RPS6KC1: variants seen among roughly 807,000 people sequenced by gnomAD.
RPS6KC1 encodes inactive ribosomal protein S6 kinase delta-1.
A neutral mutation model predicts 103.8 loss-of-function variants in RPS6KC1; 54 were observed. The observed-to-expected ratio is 0.52, with a 90% CI of 0.42 to 0.65. The LOEUF (loss-of-function observed/expected upper bound fraction) is 0.65. Among genes scored for constraint, RPS6KC1 ranks in the 30% least tolerant of loss-of-function variants. The pLI is 0.00. For missense variants in RPS6KC1, 1,151 were observed against 1,253.8 expected (o/e 0.92, Z 1.24); for synonymous variants, 439 against 438.7 (o/e 1.00, Z -0.01).
the RPS6KC1 span, among the ~76,000 whole-genome samples, chr1:213,656,544 C>T: frequency 6.6e-6 from 1 of 152,168 alleles, no homozygotes; most frequent in South Asian, 2.1e-4. Context: ...TCATTTTTAC[C>T]GAAGAGTCAA....
At chr1:213,352,569 A>G in the RPS6KC1 span, among the ~76,000 whole-genome samples, 1 of 152,218 alleles carries the variant, frequency 6.6e-6, no homozygotes, top group Non-Finnish European at 1.5e-5. Context: ...AAGTAATCAT[A>G]GAAGGTAAAG....
At chr1:213,242,377 A>C in intron 11 of RPS6KC1, 80 bp downstream of exon 11, 1 of 1,483,806 alleles carries the variant, frequency 6.7e-7, no homozygotes, top group Non-Finnish European at 9.3e-7. Flanking sequence ...TCTTGTAATT[A>C]GTATCTTCAT....
intron 14 of RPS6KC1, among the ~76,000 whole-genome samples, chr1:213,267,522 A>C (rs2094939803): frequency 6.6e-6 from 1 of 152,042 alleles, no homozygotes; most frequent in Non-Finnish European, 1.5e-5. Context: ...ACACAAAAAC[A>C]AAAAAAGTAT....
intron 8 of RPS6KC1, among the ~76,000 whole-genome samples, chr1:213,187,339 G>C (rs2092575139): frequency 6.7e-6 from 1 of 149,536 alleles, no homozygotes; most frequent in Non-Finnish European, 1.5e-5. Context: ...CCACCTCCCA[G>C]GTTAAGGTGA....
intron 8 of RPS6KC1, among the ~76,000 whole-genome samples, chr1:213,216,370 G>A (rs1409195685): frequency 2.0e-5 from 3 of 152,110 alleles, no homozygotes; most frequent in African/African-American, 7.2e-5. Flanking sequence ...GATTCATAAA[G>A]CAAGTCCTTC....
intron 4 of RPS6KC1, among the ~76,000 whole-genome samples, chr1:213,115,109 AAT>A (rs2083444899): frequency 1.3e-5 from 2 of 152,132 alleles, no homozygotes; most frequent in East Asian, 3.9e-4. Context: ...TATTGATTGG[AAT>A]AGTTTCAGAA....
chr1:213,530,059 AT>A, the RPS6KC1 span, among the ~76,000 whole-genome samples: 5 of 150,752 alleles, frequency 3.3e-5, no homozygotes, highest in East Asian at 1.9e-4. Context: ...TATTATTATT[AT>A]TATTATTATA....
At chr1:213,242,830 T>A (rs1173291086) in intron 12 of RPS6KC1, among the ~76,000 whole-genome samples, 172 bp downstream of exon 12, 1 of 152,192 alleles carries the variant, frequency 6.6e-6, no homozygotes, top group Non-Finnish European at 1.5e-5. Flanking sequence ...ATTAAGTAAT[T>A]CATAGGTATA....
the RPS6KC1 span, among the ~76,000 whole-genome samples, chr1:213,804,674 G>T: frequency 6.6e-6 from 1 of 152,162 alleles, no homozygotes; most frequent in African/African-American, 2.4e-5. Context: ...TCCCCCAGTA[G>T]AACTTGCCAG....
chr1:213,385,119 T>C, the RPS6KC1 span, among the ~76,000 whole-genome samples: 1 of 152,136 alleles, frequency 6.6e-6, no homozygotes, highest in African/African-American at 2.4e-5. Flanking sequence ...TTTGATGCAA[T>C]GACAGCAGCA....
At chr1:213,331,304 T>G in the RPS6KC1 span, among the ~76,000 whole-genome samples, 1 of 152,236 alleles carries the variant, frequency 6.6e-6, no homozygotes, top group Non-Finnish European at 1.5e-5. Flanking sequence ...GCCCACTCTG[T>G]GCAGGAGGGG....
chr1:213,259,834 G>T (rs1277655148), intron 12 of RPS6KC1, among the ~76,000 whole-genome samples: 1 of 150,540 alleles, frequency 6.6e-6, no homozygotes, highest in African/African-American at 2.4e-5. Flanking sequence ...CACCTCCTGG[G>T]TTCAAGCGAT....
the RPS6KC1 span, among the ~76,000 whole-genome samples, chr1:213,620,574 TAAG>T: frequency 6.6e-6 from 1 of 152,194 alleles, no homozygotes; most frequent in African/African-American, 2.4e-5. Flanking sequence ...AGCCCAGAAT[TAAG>T]AGGAGGAGAG....
chr1:213,671,554 C>T, the RPS6KC1 span, among the ~76,000 whole-genome samples: 15 of 152,222 alleles, frequency 9.9e-5, no homozygotes, highest in South Asian at 1.7e-3. Flanking sequence ...TGATACGAGG[C>T]GGGCATATCA....
At chr1:213,227,781 A>G (rs1207745408) in intron 8 of RPS6KC1, among the ~76,000 whole-genome samples, 1 of 152,216 alleles carries the variant, frequency 6.6e-6, no homozygotes, top group Non-Finnish European at 1.5e-5. Flanking sequence ...CATGCTTTGA[A>G]TATGATTTCC....
At chr1:213,484,140 C>T in the RPS6KC1 span, among the ~76,000 whole-genome samples, 2 of 151,360 alleles carry the variant, frequency 1.3e-5, no homozygotes, top group Admixed American at 1.3e-4. Flanking sequence ...GAAGACAACC[C>T]ATGATATAAT....
At chr1:213,221,220 A>G (rs1345126073) in intron 8 of RPS6KC1, among the ~76,000 whole-genome samples, 1 of 152,080 alleles carries the variant, frequency 6.6e-6, no homozygotes, top group Non-Finnish European at 1.5e-5. Context: ...AAGATCACAT[A>G]ATGGCTTAAG....
chr1:213,087,701 C>T (rs2080540535), intron 3 of RPS6KC1, among the ~76,000 whole-genome samples: 3 of 152,190 alleles, frequency 2.0e-5, no homozygotes, highest in African/African-American at 7.2e-5. Flanking sequence ...GATAAGCTTG[C>T]AGGCTCAGCC....
chr1:213,634,963 A>G, the RPS6KC1 span, among the ~76,000 whole-genome samples: 1 of 152,196 alleles, frequency 6.6e-6, no homozygotes, highest in Non-Finnish European at 1.5e-5. Context: ...CCACAGAAAT[A>G]CAAACTACCA....
Sources: gnomAD v4.1 joint callset for allele counts (sites outside exome capture counted in the v4.1 genomes callset) on GRCh38, gnomAD v4.1.1 for gene constraint, MANE v1.5 for transcripts, NCBI Gene and HGNC (gene_info 2026-07-23, HGNC 2026-07-21) for gene names.